The following KIF6 variants were observed in gnomAD, a reference collection of about 807,000 sequenced individuals.
KIF6 encodes the protein kinesin family member 6, also known as kinesin-like protein KIF6.
KIF6 carries 106 observed loss-of-function variants against 112.7 expected under a neutral mutation model. The ratio of observed to expected loss-of-function variants is 0.94; its 90% CI spans 0.80 to 1.11. The LOEUF (loss-of-function observed/expected upper bound fraction) is 1.11, where lower values mean the gene tolerates loss of function less well. Ranked by LOEUF, KIF6 falls within the 50% of genes least tolerant of loss-of-function variation. The probability of loss-of-function intolerance (pLI) is 0.00; values close to 1 mark genes in which losing one functional copy is unlikely to be tolerated. For synonymous variants in KIF6, 339 were observed against 339.9 expected (o/e 1.00, Z 0.03); for missense variants, 929 against 964.0 (o/e 0.96, Z 0.48).
chr6:39,628,366 T>G (rs556042654), intron 5 of KIF6, among the ~76,000 whole-genome samples: 1 of 152,066 alleles, frequency 6.6e-6, no homozygotes, highest in Non-Finnish European at 1.5e-5. Context: ...ATTTCCCCAA[T>G]TTTGCTTATG....
intron 14 of KIF6, among the ~76,000 whole-genome samples, chr6:39,430,835 CCT>C (rs1420070741): frequency 2.0e-5 from 3 of 152,094 alleles, no homozygotes; most frequent in Non-Finnish European, 2.9e-5. Context: ...CAGACCCTGC[CCT>C]AAAGTTGCTT....
intron 3 of KIF6, among the ~76,000 whole-genome samples, chr6:39,648,527 C>G (rs1356373968): frequency 2.0e-5 from 3 of 152,180 alleles, no homozygotes; most frequent in African/African-American, 7.2e-5. Context: ...CAGCAAGGAT[C>G]TCAAGCTGGC....
intron 6 of KIF6, among the ~76,000 whole-genome samples, chr6:39,598,540 T>A (rs996741301): frequency 6.6e-6 from 1 of 152,040 alleles, no homozygotes; most frequent in African/African-American, 2.4e-5. Flanking sequence ...ACTAGATATA[T>A]TTCCTAGAGA....
intron 13 of KIF6, among the ~76,000 whole-genome samples, chr6:39,473,548 A>G (rs1194557870): frequency 2.0e-5 from 3 of 152,222 alleles, no homozygotes; most frequent in Non-Finnish European, 4.4e-5. Context: ...AATATTTAAT[A>G]CTGCTCTGTC....
chr6:39,610,216 CCCAGCAGTTCAACTTAAAAAAA>C (rs1353338615), intron 6 of KIF6, among the ~76,000 whole-genome samples: 9 of 152,062 alleles, frequency 5.9e-5, no homozygotes, highest in Non-Finnish European at 1.3e-4. Context: ...TTCTCTTTGG[CCCAGCAGTTCAACTTAAAAAAA>C]AATTTATCCT....
intron 13 of KIF6, among the ~76,000 whole-genome samples, chr6:39,491,691 G>C (rs1338454328): frequency 1.3e-5 from 2 of 152,170 alleles, no homozygotes; most frequent in African/African-American, 2.4e-5. Flanking sequence ...TGAAGACAGT[G>C]TTAGCAGAAG....
chr6:39,358,429 C>T (rs1484703793), intron 18 of KIF6, among the ~76,000 whole-genome samples: 1 of 152,194 alleles, frequency 6.6e-6, no homozygotes, highest in Non-Finnish European at 1.5e-5. Context: ...GTCATCTGGT[C>T]CCTTTTGTTT....
At chr6:39,407,792 A>G (rs1227999816) in intron 15 of KIF6, among the ~76,000 whole-genome samples, 1 of 152,162 alleles carries the variant, frequency 6.6e-6, no homozygotes, top group East Asian at 1.9e-4. Context: ...TGAAATCACC[A>G]TCTCTAGTTT....
intron 5 of KIF6, among the ~76,000 whole-genome samples, chr6:39,618,872 T>C (rs1183237350): frequency 6.6e-6 from 1 of 152,214 alleles, no homozygotes; most frequent in Non-Finnish European, 1.5e-5. Flanking sequence ...TGAGACGGTC[T>C]ACCTTTTCAA....
At chr6:39,346,549 G>C (rs1388109851) in intron 19 of KIF6, 23 bp from the exon 20 acceptor site, 6 of 697,484 alleles carry the variant, frequency 8.6e-6, no homozygotes, top group Non-Finnish European at 1.3e-5. Flanking sequence ...AACGTTTGTT[G>C]TTTGAGCCAC....
chr6:39,525,995 A>G (rs921174614), intron 13 of KIF6, among the ~76,000 whole-genome samples: 1 of 152,150 alleles, frequency 6.6e-6, no homozygotes, highest in African/African-American at 2.4e-5. Context: ...TTTGTTGAAA[A>G]TAAACAAACA....
chr6:39,565,466 C>T (rs1354761151), intron 10 of KIF6, among the ~76,000 whole-genome samples: 5 of 152,130 alleles, frequency 3.3e-5, no homozygotes, highest in Admixed American at 3.3e-4. Flanking sequence ...TTTCCGCAAG[C>T]CCAGGGAATC....
intron 13 of KIF6, among the ~76,000 whole-genome samples, chr6:39,497,542 A>T (rs1367464967): frequency 6.6e-6 from 1 of 152,212 alleles, no homozygotes; most frequent in Non-Finnish European, 1.5e-5. Context: ...TGTAGCACAA[A>T]GCCCAGTGTT....
At chr6:39,458,524 C>A (rs1246798960) in intron 13 of KIF6, among the ~76,000 whole-genome samples, 2 of 151,126 alleles carry the variant, frequency 1.3e-5, no homozygotes, top group South Asian at 4.2e-4. Context: ...CTGGCCAGGG[C>A]ACTCAGGCAG....
At position 39,448,728 on chromosome 6, in the gene KIF6, G is replaced by C. The variant is rs184710459; in HGVS notation, c.1646-17567C>G. The stretch of plus-strand genomic sequence containing the variant: ...TCTTTCAACAGGTGATTTCATTCAG[G>C]TGCATGGCTTTACGATGTATTACAC... On this transcript the variant is annotated intron_variant, in intron 13 of 22. Transcript: ENST00000287152. Among the ~76,000 whole-genome samples, 548 of 152,172 alleles carry C rather than the reference G, an allele frequency of 3.6e-3. 6 individuals carry two copies. Among genetic ancestry groups the C allele is most frequent in the African/African-American group, 0.013 (524 of 41,514 alleles).
rs1762684318 is a variant in KIF6, at chr6:39,330,017, A to T, written c.*6515T>A. ...CACTTAGGCATTTGTTTATTGTCTA[A>T]TTGGTTCACATGACGATTCTTTGTC... On this transcript the variant is annotated 3_prime_UTR_variant, in exon 23 of 23. Coordinates refer to ENST00000287152, the MANE Select transcript of KIF6 (RefSeq NM_145027.6). The T allele has an allele frequency of 6.6e-6, 1 of 152,226 alleles. No homozygotes were observed. The highest frequency in any genetic ancestry group is 1.5e-5 in the Non-Finnish European group (1 of 68,050). The allele number at this position is 152,226 out of a possible 1,614,324, so 9.4% of individuals were successfully genotyped here. A position where few individuals can be genotyped will look rare whatever the true frequency, so the allele number is the denominator to read the frequency against.
intron 13 of KIF6, among the ~76,000 whole-genome samples, chr6:39,438,652 A>T (rs1267473865): frequency 6.6e-6 from 1 of 152,258 alleles, no homozygotes; most frequent in Non-Finnish European, 1.5e-5. Flanking sequence ...AAGTTAAAAA[A>T]ATTAGGCTTA....
chr6:39,546,647 G>A (rs558412231), intron 10 of KIF6, among the ~76,000 whole-genome samples: 1 of 152,134 alleles, frequency 6.6e-6, no homozygotes, highest in East Asian at 1.9e-4. Flanking sequence ...CCAACAGAGT[G>A]AAACCCCTTC....
intron 10 of KIF6, among the ~76,000 whole-genome samples, chr6:39,564,804 G>C (rs1223576973): frequency 2.6e-5 from 4 of 152,180 alleles, no homozygotes; most frequent in Non-Finnish European, 5.9e-5. Flanking sequence ...TTTTTAATAG[G>C]TGTAAAATTT....
Sources: allele counts gnomAD v4.1 joint callset (sites outside exome capture counted in the v4.1 genomes callset), GRCh38; gene constraint gnomAD v4.1.1; transcripts MANE v1.5; gene names NCBI Gene and HGNC (gene_info 2026-07-23, HGNC 2026-07-21).